Variants in METTL22 observed in about 807,000 individuals in gnomAD.
METTL22 encodes methyltransferase-like protein 22.
A neutral mutation model predicts 48.4 loss-of-function variants in METTL22; 51 were observed. The observed-to-expected ratio is 1.05, with a 90% CI of 0.84 to 1.33. METTL22 has a LOEUF of 1.33. METTL22 is among the 40% of genes most tolerant of loss of function. METTL22 has a pLI of 0.00. For synonymous variants in METTL22, 255 were observed against 214.1 expected (o/e 1.19, Z -1.67); for missense variants, 678 against 526.9 (o/e 1.29, Z -2.81).
chr16:8,628,665 A>C, intron 2 of METTL22, 65 bp from the exon 3 acceptor site: 2 of 1,529,776 alleles, frequency 1.3e-6, no homozygotes, highest in East Asian at 2.3e-5. Context: ...TTCTCAAAGA[A>C]GAAGAGGAAG....
chr16:8,646,528 G>C lies in METTL22; in HGVS notation c.*385G>C. 2.0e-6 allele frequency: 1 copy of C among 499,342 alleles called. No individual in the cohort carries two copies. The highest frequency in any genetic ancestry group is 3.9e-6 in the Non-Finnish European group (1 of 255,568). 30.9% of individuals were successfully genotyped at this position (499,342 alleles called of 1,614,324 possible). On this transcript the variant is annotated 3_prime_UTR_variant, in exon 11 of 11. Coordinates refer to ENST00000381920, the MANE Select transcript of METTL22 (RefSeq NM_024109.4). ...GCCCTCTGTCAGCTGTTTACAGATGGGTTGACTACCACTGCCAGTATTGCC... is the reference window on the plus strand; with the variant it reads ...GCCCTCTGTCAGCTGTTTACAGATGCGTTGACTACCACTGCCAGTATTGCC...
intron 2 of METTL22, among the ~76,000 whole-genome samples, chr16:8,628,194 C>T (rs761135442): frequency 1.3e-5 from 2 of 152,164 alleles, no homozygotes; most frequent in Admixed American, 6.5e-5. Context: ...GTTTCTTCCC[C>T]AACTTCACTC....
Position 8,635,079 on chromosome 16 carries a change from G to C in METTL22, c.555G>C (p.Gln185His). 6.2e-7 allele frequency: 1 copy of C among 1,614,008 alleles called. No homozygotes were observed. The stretch of plus-strand genomic sequence containing the variant: ...CGCCCCTGGAGGATGTTGGCAAGCA[G>C]GTGGGTAGGTCTTGTCCGCTTCCTG... ...MATPLEDVGK[Q>H]VWRGALLLAD... Residue 185 changes from glutamine to histidine, a missense_variant and splice_region_variant, in exon 4 of 11, where the codon CAG (glutamine) becomes CAC (histidine). By Grantham distance (24) the Gln-to-His change is conservative. Transcript: ENST00000381920.
At chr16:8,626,567 G>A (rs1319316848) in intron 2 of METTL22, among the ~76,000 whole-genome samples, 1 of 149,976 alleles carries the variant, frequency 6.7e-6, no homozygotes, top group East Asian at 2.0e-4. Flanking sequence ...TCCTGCCTCA[G>A]CCTCCCGAGT....
At chr16:8,633,628 T>G (rs932732014) in intron 3 of METTL22, among the ~76,000 whole-genome samples, 8 of 152,118 alleles carry the variant, frequency 5.3e-5, no homozygotes, top group African/African-American at 1.9e-4. Context: ...GACAGAAAAC[T>G]GCAGATGACC....
intron 7 of METTL22, chr16:8,641,858 G>A (rs544589503): frequency 3.5e-6 from 2 of 564,956 alleles, no homozygotes; most frequent in East Asian, 3.0e-5. Flanking sequence ...CTGGGCCACA[G>A]GCCAAGGCAG....
the METTL22 span, among the ~76,000 whole-genome samples, chr16:8,666,597 C>T: frequency 6.6e-6 from 1 of 152,152 alleles, no homozygotes; most frequent in Non-Finnish European, 1.5e-5. Flanking sequence ...GAGATGCAGA[C>T]ATTATGATCA....
chr16:8,645,620 A>G (rs1277598449), intron 10 of METTL22, among the ~76,000 whole-genome samples: 1 of 146 alleles, frequency 6.8e-3, no homozygotes, highest in Non-Finnish European at 0.05. Flanking sequence ...AAAATCAAGA[A>G]AAAAAATTAG....
intron 3 of METTL22, among the ~76,000 whole-genome samples, chr16:8,630,307 C>T (rs757318374): frequency 4.6e-5 from 7 of 152,188 alleles, no homozygotes; most frequent in Non-Finnish European, 8.8e-5. Flanking sequence ...CCATGTATCC[C>T]ATGGGTGACC....
At position 8,646,279 on chromosome 16, in the gene METTL22, A is replaced by G. The variant is rs2056798131; in HGVS notation, c.*136A>G. 4.3e-6 allele frequency: 5 copies of G among 1,158,060 alleles called. No individual in the cohort carries two copies. The highest frequency in any genetic ancestry group is 6.3e-6 in the Non-Finnish European group (5 of 791,662). The allele number at this position is 1,158,060 out of a possible 1,614,324, so 71.7% of individuals were successfully genotyped here. On this transcript the variant is annotated 3_prime_UTR_variant, in exon 11 of 11. Coordinates refer to ENST00000381920, the MANE Select transcript of METTL22 (RefSeq NM_024109.4). ...GGTTACACGTACCTTAGATGACCCA[A>G]GATGGTTTTCTGGGGTCTGTCCCTG...
chr16:8,642,326 A>G, intron 8 of METTL22, 119 bp downstream of exon 8: 2 of 1,224,644 alleles, frequency 1.6e-6, no homozygotes, highest in South Asian at 2.4e-5. Flanking sequence ...ACATGCCACC[A>G]CATCTGCAGT....
chr16:8,645,894 C>G (rs1482302289), intron 10 of METTL22: 3 of 985,972 alleles, frequency 3.0e-6, no homozygotes, highest in Non-Finnish European at 2.4e-6. Flanking sequence ...AATGCTGGGA[C>G]TTCATCCATC....
chr16:8,654,655 C>G, the METTL22 span, among the ~76,000 whole-genome samples: 2 of 152,114 alleles, frequency 1.3e-5, no homozygotes, highest in Admixed American at 6.6e-5. Context: ...TATTTTAGCC[C>G]AAAGGTTCTA....
At chr16:8,653,927 A>G (rs1226513835), downstream of METTL22, among the ~76,000 whole-genome samples, 3 of 152,120 alleles carry the variant, frequency 2.0e-5, no homozygotes, top group African/African-American at 7.2e-5. Flanking sequence ...GGAAAGCCTG[A>G]CTTCAGAACC....
chr16:8,645,960 G>A, intron 10 of METTL22, 148 bp from the exon 11 acceptor site: 3 of 1,264,892 alleles, frequency 2.4e-6, no homozygotes, highest in South Asian at 1.7e-5. Flanking sequence ...AAAGGAGGAA[G>A]CCGCCCGTCC....
At chr16:8,634,981 GT>G in intron 3 of METTL22, 57 bp from the exon 4 acceptor site, 1 of 1,611,104 alleles carries the variant, frequency 6.2e-7, no homozygotes, top group Non-Finnish European at 8.5e-7. Flanking sequence ...CTGTCTTGTG[GT>G]TTTCTGTCCA....
Position 8,639,141 on chromosome 16 carries a change from A to G in METTL22, c.751A>G (p.Ser251Gly). The G allele has an allele frequency of 6.2e-7, 1 of 1,613,984 alleles. No homozygotes were observed. The highest frequency in any genetic ancestry group is 8.5e-7 in the Non-Finnish European group (1 of 1,180,016). ...GTGCCAGCGAAACATTGCCCTCAACAGCCACCTGGCTGCCACTGGAGGTGA... is the reference window on the plus strand; with the variant it reads ...GTGCCAGCGAAACATTGCCCTCAACGGCCACCTGGCTGCCACTGGAGGTGA... ...SMCQRNIALN[S>G]HLAATGGGIV... is the part of the protein sequence containing the mutation. The change falls in exon 6 of 11, where the codon AGC (serine) becomes GGC (glycine). Residue 251 changes from serine (S) to glycine (G), a missense_variant. Physicochemically the swap from Ser to Gly is moderately conservative, Grantham distance 56. Coordinates refer to ENST00000381920, the MANE Select transcript of METTL22 (RefSeq NM_024109.4).
At chr16:8,651,386 C>CAAAAAAAAAAAAAAAAAAAAAAA (rs768911703), downstream of METTL22, among the ~76,000 whole-genome samples, 3 of 49,068 alleles carry the variant, frequency 6.1e-5, no homozygotes, top group African/African-American at 2.5e-4. Flanking sequence ...GACTCTGTCT[C>CAAAAAAAAAAAAAAAAAAAAAAA]AAAAAAAAAA....
chr16:8,660,294 A>C, the METTL22 span, among the ~76,000 whole-genome samples: 1 of 152,026 alleles, frequency 6.6e-6, no homozygotes. Context: ...CTCGTGCCTC[A>C]GCCTCCCAAG....
Sources: allele counts gnomAD v4.1 joint callset (sites outside exome capture counted in the v4.1 genomes callset), GRCh38; gene constraint gnomAD v4.1.1; transcripts MANE v1.5; gene names NCBI Gene and HGNC (gene_info 2026-07-23, HGNC 2026-07-21).